Variants in TTC29 observed in about 807,000 individuals in gnomAD.
TTC29 encodes the protein tetratricopeptide repeat protein 29.
Under a neutral mutation model 58.1 loss-of-function variants are expected in TTC29, and 49 were observed. The ratio of observed to expected loss-of-function variants is 0.84; its 90% CI spans 0.67 to 1.07. The LOEUF is 1.07. Among genes scored for constraint, TTC29 ranks in the 50% least tolerant of loss-of-function variants. The pLI is 0.00. For synonymous variants in TTC29, 209 were observed against 196.8 expected, an observed-to-expected ratio of 1.06 and a Z score of -0.52; for missense variants, 582 against 555.6, an observed-to-expected ratio of 1.05 and a Z score of -0.48.
chr4:146,874,960 C>T (rs748903447), intron 6 of TTC29, 32 bp from the exon 7 acceptor site: 5 of 1,574,920 alleles, frequency 3.2e-6, no homozygotes, highest in East Asian at 2.3e-5. Context: ...TAAGTATAAA[C>T]CAGAGGACGG....
intron 9 of TTC29, among the ~76,000 whole-genome samples, chr4:146,827,763 G>T (rs1727906239): frequency 6.6e-6 from 1 of 152,138 alleles, no homozygotes; most frequent in East Asian, 1.9e-4. Flanking sequence ...ATCTCTCAGT[G>T]AAATAAACAA....
At chr4:146,883,207 GTGATATCA>G (rs916914982) in intron 6 of TTC29, among the ~76,000 whole-genome samples, 1 of 152,030 alleles carries the variant, frequency 6.6e-6, no homozygotes, top group African/African-American at 2.4e-5. Context: ...ATCTGCCCCA[GTGATATCA>G]TTGGACCATT....
At chr4:146,903,009 T>G (rs2150270734) in intron 6 of TTC29, among the ~76,000 whole-genome samples, 1 of 152,238 alleles carries the variant, frequency 6.6e-6, no homozygotes, top group Middle Eastern at 3.4e-3. Flanking sequence ...AAATTCCTAT[T>G]TGCAATCCTT....
intron 10 of TTC29, among the ~76,000 whole-genome samples, chr4:146,816,807 T>C (rs547756879): frequency 6.6e-6 from 1 of 152,266 alleles, no homozygotes; most frequent in Non-Finnish European, 1.5e-5. Flanking sequence ...GTTTCACTCA[T>C]TCAAATTAAT....
chr4:146,835,856 A>G (rs1728475412), intron 8 of TTC29, among the ~76,000 whole-genome samples: 1 of 152,124 alleles, frequency 6.6e-6, no homozygotes, highest in Non-Finnish European at 1.5e-5. Context: ...CCAAGAAATT[A>G]TGGGTAGATA....
At chr4:146,934,541 C>T (rs953808374) in intron 4 of TTC29, among the ~76,000 whole-genome samples, 1 of 152,060 alleles carries the variant, frequency 6.6e-6, no homozygotes, top group African/African-American at 2.4e-5. Flanking sequence ...GAGGCCAGTG[C>T]TGGATTTATA....
intron 11 of TTC29, among the ~76,000 whole-genome samples, chr4:146,788,207 G>A (rs188528013): frequency 6.6e-6 from 1 of 152,258 alleles, no homozygotes; most frequent in Non-Finnish European, 1.5e-5. Context: ...GAACACATAA[G>A]AATTCTGTCC....
chr4:146,819,037 A>C lies in TTC29; in HGVS notation c.1101+1088T>G, dbSNP rs201393516. ...GAGTTAATGGGTGCAGCACACCAGC[A>C]TGGCACACGTATACATATGTAACTA... is the stretch of plus-strand genomic sequence containing the variant. On this transcript the variant is annotated intron_variant, in intron 10 of 12. Coordinates refer to ENST00000325106, the MANE Select transcript of TTC29 (RefSeq NM_031956.4). Among the ~76,000 whole-genome samples the C allele has an allele frequency of 4.1e-4, 62 of 152,142 alleles. 1 individual carries two copies. In the East Asian group the frequency reaches 9.3e-3, roughly 23 times the overall value.
At chr4:146,766,111 ACAAT>A (rs996897534) in intron 11 of TTC29, among the ~76,000 whole-genome samples, 5 of 152,064 alleles carry the variant, frequency 3.3e-5, no homozygotes, top group Non-Finnish European at 5.9e-5. Flanking sequence ...GCTAAAGAAA[ACAAT>A]CAGACTAAGC....
At chr4:146,800,468 T>A (rs1434188151) in intron 11 of TTC29, among the ~76,000 whole-genome samples, 1 of 152,184 alleles carries the variant, frequency 6.6e-6, no homozygotes, top group African/African-American at 2.4e-5. Flanking sequence ...AATGGCAAGA[T>A]TAAAGATGCC....
At chr4:146,758,459 T>C (rs1746620151) in intron 11 of TTC29, among the ~76,000 whole-genome samples, 1 of 152,104 alleles carries the variant, frequency 6.6e-6, no homozygotes, top group African/African-American at 2.4e-5. Flanking sequence ...AAAGAAGCAA[T>C]GGATTTAAAC....
intron 5 of TTC29, among the ~76,000 whole-genome samples, chr4:146,906,228 G>T (rs533871795): frequency 5.6e-4 from 85 of 152,054 alleles, no homozygotes; most frequent in Non-Finnish European, 6.6e-4. Flanking sequence ...AAAAAGAAAT[G>T]ATTGGCTTAC....
At chr4:146,786,649 TTTTG>T (rs1203687801) in intron 11 of TTC29, among the ~76,000 whole-genome samples, 4 of 152,204 alleles carry the variant, frequency 2.6e-5, no homozygotes, top group African/African-American at 9.6e-5. Context: ...GGGGGTAATA[TTTTG>T]TTTTTCTTTC....
At chr4:146,945,150 C>T (rs1736811081) in intron 1 of TTC29, 73 bp from the exon 2 acceptor site, 1 of 152,124 alleles carries the variant, frequency 6.6e-6, no homozygotes, top group Non-Finnish European at 1.5e-5. Context: ...AACTCCTCTC[C>T]CCGCTCCAAG....
intron 9 of TTC29, among the ~76,000 whole-genome samples, chr4:146,821,674 C>A (rs190840121): frequency 6.6e-6 from 1 of 152,268 alleles, no homozygotes; most frequent in East Asian, 1.9e-4. Flanking sequence ...ATGCTGCACA[C>A]ATGAAAGCTA....
At chr4:146,797,963 T>A (rs1749944916) in intron 11 of TTC29, among the ~76,000 whole-genome samples, 1 of 151,656 alleles carries the variant, frequency 6.6e-6, no homozygotes, top group Non-Finnish European at 1.5e-5. Flanking sequence ...CTGTTCAATT[T>A]TTTTTTCAGT....
chr4:146,708,338 A>G (rs1433734773), intron 11 of TTC29, among the ~76,000 whole-genome samples: 26 of 55,756 alleles, frequency 4.7e-4, no homozygotes, highest in East Asian at 3.5e-3. Context: ...ATATATATAT[A>G]TATATATATA....
intron 4 of TTC29, among the ~76,000 whole-genome samples, chr4:146,924,144 A>G (rs958059946): frequency 6.6e-6 from 1 of 151,848 alleles, no homozygotes; most frequent in Non-Finnish European, 1.5e-5. Flanking sequence ...GCACTTAAGA[A>G]TATACTTAAT....
chr4:146,923,653 T>A (rs776941112), intron 4 of TTC29, among the ~76,000 whole-genome samples: 5 of 151,886 alleles, frequency 3.3e-5, no homozygotes, highest in Non-Finnish European at 7.4e-5. Flanking sequence ...TGTAACATCA[T>A]TGAAATGAAA....
Sources: allele counts gnomAD v4.1 joint callset (sites outside exome capture counted in the v4.1 genomes callset), GRCh38; gene constraint gnomAD v4.1.1; transcripts MANE v1.5; gene names NCBI Gene and HGNC (gene_info 2026-07-23, HGNC 2026-07-21).